The following SRPK2 variants were observed in gnomAD, a reference collection of about 807,000 sequenced individuals.
The protein encoded by SRPK2 is SFRS protein kinase 2.
SRPK2 carries 21 observed loss-of-function variants against 90.8 expected under a neutral mutation model. The ratio of observed to expected loss-of-function variants is 0.23; its 90% confidence interval spans 0.16 to 0.33. SRPK2 has a LOEUF of 0.33. SRPK2 is among the 10% of genes least tolerant of loss of function. SRPK2 has a pLI of 1.00. For missense variants in SRPK2, 620 were observed against 869.0 expected (o/e 0.71, Z 3.60); for synonymous variants, 288 against 311.1 (o/e 0.93, Z 0.78).
At chr7:105,245,743 T>G (rs1269742508) in intron 2 of SRPK2, among the ~76,000 whole-genome samples, 1 of 152,164 alleles carries the variant, frequency 6.6e-6, no homozygotes, top group Non-Finnish European at 1.5e-5. Context: ...AAGTTCTCTC[T>G]GTTGCCCAGG....
Position 105,203,680 on chromosome 7 carries a change from C to G in SRPK2, c.177G>C (p.Glu59Asp). 2 of 1,568,656 alleles carry G rather than the reference C, an allele frequency of 1.3e-6. No individual in the cohort carries two copies. Among genetic ancestry groups the G allele is most frequent in the South Asian group, 1.2e-5 (1 of 83,344 alleles). Residue 59 changes from glutamate to aspartate, a missense_variant, in exon 3 of 16, where the codon GAG becomes GAC. By Grantham distance (45) the Glu-to-Asp change is conservative. Around this residue, in one of 8 missense-constraint regions of SRPK2, gnomAD observed 196 missense variants for 339.2 expected, o/e 0.58. Coordinates refer to ENST00000393651, the MANE Select transcript of SRPK2 (RefSeq NM_182692.3). ...PDPTPPEPEE[E>D]ILGSDDEEQE... ...GCTCCTCATCATCTGATCCCAGGAT[C>G]TCCTCCTCTGGCTCCGGGGGTGTGG...
At chr7:105,197,652 G>C (rs1191025157) in intron 3 of SRPK2, among the ~76,000 whole-genome samples, 1 of 152,210 alleles carries the variant, frequency 6.6e-6, no homozygotes, top group Non-Finnish European at 1.5e-5. Context: ...TCAGACTAGA[G>C]AGGGGGAGAT....
intron 2 of SRPK2, among the ~76,000 whole-genome samples, chr7:105,277,192 T>C (rs1315075335): frequency 6.6e-6 from 1 of 152,120 alleles, no homozygotes; most frequent in Non-Finnish European, 1.5e-5. Flanking sequence ...GTCTCCTGTC[T>C]CAGCCTCCCG....
chr7:105,333,618 C>T (rs1041751771), intron 2 of SRPK2, among the ~76,000 whole-genome samples: 2 of 152,176 alleles, frequency 1.3e-5, no homozygotes, highest in Admixed American at 1.3e-4. Flanking sequence ...TTCCTGCTTT[C>T]CAGTAGTAGT....
chr7:105,276,816 G>A (rs1186501898), intron 2 of SRPK2, among the ~76,000 whole-genome samples: 1 of 152,164 alleles, frequency 6.6e-6, no homozygotes, highest in Non-Finnish European at 1.5e-5. Context: ...GAAGTTAAGA[G>A]GAAAATGCCT....
chr7:105,169,066 A>C (rs1790472804), intron 4 of SRPK2, 91 bp downstream of exon 4: 1 of 1,116,904 alleles, frequency 9.0e-7, no homozygotes, highest in Admixed American at 1.9e-5. Context: ...ATACCTCAAC[A>C]AAGCAGTGGT....
chr7:105,359,880 G>T (rs962774636), intron 2 of SRPK2, among the ~76,000 whole-genome samples: 3 of 152,172 alleles, frequency 2.0e-5, no homozygotes, highest in African/African-American at 7.2e-5. Flanking sequence ...GAATTTTGTA[G>T]ATATCTATTA....
chr7:105,241,888 C>T (rs1415845178), intron 2 of SRPK2, among the ~76,000 whole-genome samples: 1 of 152,024 alleles, frequency 6.6e-6, no homozygotes, highest in African/African-American at 2.4e-5. Context: ...CTATAGATGA[C>T]CATAAACGAT....
At chr7:105,379,303 T>TTGG (rs1820668903) in intron 2 of SRPK2, among the ~76,000 whole-genome samples, 1 of 151,964 alleles carries the variant, frequency 6.6e-6, no homozygotes, top group Non-Finnish European at 1.5e-5. Context: ...GTAACAACCA[T>TTGG]TGACATGGTA....
chr7:105,283,857 G>A (rs946013615), intron 2 of SRPK2, among the ~76,000 whole-genome samples: 1 of 152,046 alleles, frequency 6.6e-6, no homozygotes. Context: ...CTAGCCAGGA[G>A]TGGTGGTGTA....
At chr7:105,199,949 G>A (rs1412363619) in intron 3 of SRPK2, among the ~76,000 whole-genome samples, 1 of 150,288 alleles carries the variant, frequency 6.7e-6, no homozygotes, top group African/African-American at 2.4e-5. Context: ...AGACTCCAGG[G>A]CTGGGATAGG....
chr7:105,331,993 T>C (rs550919369), intron 2 of SRPK2, among the ~76,000 whole-genome samples: 3 of 151,882 alleles, frequency 2.0e-5, no homozygotes, highest in African/African-American at 4.8e-5. Flanking sequence ...GCCCCATTTC[T>C]AAAAGAAAAA....
At chr7:105,170,172 T>C (rs138396536) in intron 3 of SRPK2, among the ~76,000 whole-genome samples, 17 of 152,318 alleles carry the variant, frequency 1.1e-4, no homozygotes, top group African/African-American at 3.8e-4. Context: ...TCTTGGTATT[T>C]AAAGACTTTT....
At chr7:105,305,633 G>A (rs1479708409) in intron 2 of SRPK2, among the ~76,000 whole-genome samples, 1 of 147,620 alleles carries the variant, frequency 6.8e-6, no homozygotes, top group Non-Finnish European at 1.5e-5. Context: ...GGAAAAAAAT[G>A]AAGCACACTG....
chr7:105,393,222 C>G (rs965647609), upstream of SRPK2, among the ~76,000 whole-genome samples: 12 of 150,392 alleles, frequency 8.0e-5, no homozygotes, highest in African/African-American at 3.0e-4. Context: ...TCTCAAACTC[C>G]TGACCTCAAG....
chr7:105,368,236 T>C lies in SRPK2; in HGVS notation c.71+20412A>G, dbSNP rs1441726213. ...AGTAAAAAACATGGCCTTATTGCTT[T>C]TTTAGAAAAACTGTTTTCCTGTATT... On this transcript the variant is annotated intron_variant, in intron 2 of 15. Coordinates refer to ENST00000393651, the MANE Select transcript of SRPK2 (RefSeq NM_182692.3). Among the ~76,000 whole-genome samples the C allele has an allele frequency of 2.6e-5, 4 of 152,224 alleles. No individual in the cohort carries two copies. In the South Asian group the frequency reaches 8.3e-4, roughly 31 times the overall value.
At chr7:105,260,141 A>T (rs971072251) in intron 2 of SRPK2, among the ~76,000 whole-genome samples, 2 of 152,242 alleles carry the variant, frequency 1.3e-5, no homozygotes, top group Non-Finnish European at 2.9e-5. Flanking sequence ...TACCCATCTG[A>T]CAAAGGGCTA....
At chr7:105,119,016 C>T (rs1799951443) in intron 15 of SRPK2, among the ~76,000 whole-genome samples, 1 of 152,062 alleles carries the variant, frequency 6.6e-6, no homozygotes, top group Non-Finnish European at 1.5e-5. Context: ...TAGGACATCC[C>T]ACCCCTGCCC....
chr7:105,182,881 C>T (rs1462155599), intron 3 of SRPK2, among the ~76,000 whole-genome samples: 1 of 151,882 alleles, frequency 6.6e-6, no homozygotes, highest in Admixed American at 6.6e-5. Flanking sequence ...TAAATATATC[C>T]CAAGTAGTAT....
Sources: allele counts gnomAD v4.1 joint callset (sites outside exome capture counted in the v4.1 genomes callset), GRCh38; gene constraint gnomAD v4.1.1; regional missense constraint gnomAD v4.1.1; transcripts MANE v1.5; gene names NCBI Gene and HGNC (gene_info 2026-07-23, HGNC 2026-07-21).